The following HYLS1 variants were observed in gnomAD, a reference collection of about 807,000 sequenced individuals.
HYLS1 encodes HYLS1 centriolar and ciliogenesis associated, also known as centriolar and ciliogenesis-associated protein HYLS1.
Under a neutral mutation model 29.4 loss-of-function variants are expected in HYLS1, and 25 were observed. The observed-to-expected ratio is 0.85, with a 90% CI of 0.62 to 1.19. The LOEUF (loss-of-function observed/expected upper bound fraction) is 1.19, where lower values mean the gene tolerates loss of function less well. Ranked by LOEUF, HYLS1 falls within the 50% of genes most tolerant of loss-of-function variation. The pLI, the probability that HYLS1 is intolerant of heterozygous loss-of-function variation, is 0.00. For synonymous variants in HYLS1, 128 were observed against 126.7 expected, an observed-to-expected ratio of 1.01 and a Z score of -0.07; for missense variants, 352 against 365.1, an observed-to-expected ratio of 0.96 and a Z score of 0.29.
chr11:125,885,346 G>C (rs1164149611), upstream of HYLS1, among the ~76,000 whole-genome samples: 1 of 152,102 alleles, frequency 6.6e-6, no homozygotes, highest in Non-Finnish European at 1.5e-5. Flanking sequence ...AGCTACTCAG[G>C]AGACTGAGGC....
At chr11:125,895,197 G>A in intron 2 of HYLS1, 1 of 1,521,086 alleles carries the variant, frequency 6.6e-7, no homozygotes, top group Non-Finnish European at 8.8e-7. Flanking sequence ...ACAGGCATGT[G>A]CCATTTATTT....
chr11:125,886,042 TA>T (rs1447951732), upstream of HYLS1, among the ~76,000 whole-genome samples: 2 of 151,718 alleles, frequency 1.3e-5, no homozygotes, highest in Non-Finnish European at 2.9e-5. Context: ...ATAATAGAAA[TA>T]AAGTGCACAA....
Position 125,900,566 on chromosome 11 carries a change from AAT to A in HYLS1, c.*301_*302del, listed in dbSNP as rs1415648996. The A allele has an allele frequency of 2.5e-6, 1 of 395,694 alleles. No homozygotes were observed. The highest frequency in any genetic ancestry group is 6.2e-5 in the East Asian group (1 of 16,080). 24.5% of individuals were successfully genotyped at this position (395,694 alleles called of 1,614,324 possible). On this transcript the variant is annotated 3_prime_UTR_variant, in exon 3 of 3. Coordinates refer to ENST00000425380, the MANE Select transcript of HYLS1 (RefSeq NM_001134793.2). ...TGTCCTGTAACTTTTTTTACCTATC[AAT>A]ATGAGTTGCTGTGCTTCAGTGTGTG...
At chr11:125,887,061 C>A (rs555980912), upstream of HYLS1, 1 of 152,586 alleles carries the variant, frequency 6.6e-6, no homozygotes, top group Non-Finnish European at 1.5e-5. Flanking sequence ...TGTGGAGACG[C>A]AGCCACGGGT....
intron 2 of HYLS1, 85 bp from the exon 3 acceptor site, chr11:125,899,259 C>G: frequency 1.1e-6 from 1 of 904,060 alleles, no homozygotes; most frequent in East Asian, 2.5e-5. Flanking sequence ...CTCCATTTGA[C>G]TGCTATAAAA....
upstream of HYLS1, among the ~76,000 whole-genome samples, chr11:125,885,810 AG>A (rs984254348): frequency 6.6e-6 from 1 of 152,230 alleles, no homozygotes; most frequent in African/African-American, 2.4e-5. Context: ...TCGCATGAAC[AG>A]GGGTGTTAGA....
At chr11:125,893,629 A>G (rs1944474560) in intron 2 of HYLS1, 5 of 591,126 alleles carry the variant, frequency 8.5e-6, no homozygotes, top group East Asian at 3.0e-5. Flanking sequence ...TATTAAAGCA[A>G]TAACTTCCTT....
At chr11:125,894,937 C>T (rs1472865054) in intron 2 of HYLS1, among the ~76,000 whole-genome samples, 1 of 152,206 alleles carries the variant, frequency 6.6e-6, no homozygotes, top group Non-Finnish European at 1.5e-5. Context: ...TTAAAATACA[C>T]TGCTCCCTCT....
At chr11:125,888,625 C>T (rs1027472765) in intron 1 of HYLS1, among the ~76,000 whole-genome samples, 3 of 151,962 alleles carry the variant, frequency 2.0e-5, no homozygotes, top group Admixed American at 6.6e-5. Flanking sequence ...AAAAATTGGC[C>T]GGGCTTGGTG....
Position 125,900,108 on chromosome 11 carries a change from G to A in HYLS1, c.740G>A (p.Cys247Tyr). The change falls in exon 3 of 3, where the codon TGT becomes TAT. Residue 247 changes from cysteine to tyrosine, a missense_variant. Physicochemically the swap from Cys to Tyr is radical, Grantham distance 194. Coordinates refer to ENST00000425380, the MANE Select transcript of HYLS1 (RefSeq NM_001134793.2). ...LRWGVREQML[C>Y]RAEPQSKPQH... ...TGGGGTGTCCGAGAGCAGATGCTTT[G>A]TCGAGCAGAACCCCAATCCAAACCT... The A allele has an allele frequency of 6.2e-7, 1 of 1,614,182 alleles. No individual in the cohort carries two copies. The highest frequency in any genetic ancestry group is 2.2e-5 in the East Asian group (1 of 44,880).
At chr11:125,889,703 A>G (rs1043880433) in intron 1 of HYLS1, among the ~76,000 whole-genome samples, 7 of 151,160 alleles carry the variant, frequency 4.6e-5, no homozygotes, top group African/African-American at 1.5e-4. Flanking sequence ...GGCCACCGCA[A>G]CTCCAGCCTG....
chr11:125,892,147 C>T (rs1214895956), intron 2 of HYLS1, among the ~76,000 whole-genome samples: 1 of 152,116 alleles, frequency 6.6e-6, no homozygotes, highest in African/African-American at 2.4e-5. Context: ...TCAAGGTTGA[C>T]TAGATTATAC....
chr11:125,895,173 G>C (rs578148756), intron 2 of HYLS1: 1 of 1,439,626 alleles, frequency 6.9e-7, no homozygotes, highest in Non-Finnish European at 9.3e-7. Flanking sequence ...CAAGCGTCCC[G>C]AGTAGCTGGG....
At position 125,899,397 on chromosome 11, in the gene HYLS1, T is replaced by TA; in HGVS notation, c.30dup (p.Trp11MetfsTer3). The TA allele has an allele frequency of 3.7e-6, 6 of 1,614,144 alleles. No individual in the cohort carries two copies. The highest frequency in any genetic ancestry group is 5.1e-6 in the Non-Finnish European group (6 of 1,180,030). On this transcript the variant is annotated frameshift_variant, in exon 3 of 3. Transcript: ENST00000425380. LOFTEE classifies it high-confidence loss of function. Reference sequence around the variant, plus strand: ...GAAGAACTTCTACCTGATGGACAAATATGGGCTAATATGGATCCAGAAGAA... The same window carrying TA: ...GAAGAACTTCTACCTGATGGACAAATAATGGGCTAATATGGATCCAGAAGAA...
chr11:125,892,749 C>T (rs1217103276), intron 2 of HYLS1, among the ~76,000 whole-genome samples: 2 of 152,200 alleles, frequency 1.3e-5, no homozygotes, highest in Non-Finnish European at 2.9e-5. Context: ...TGCCTCCAAT[C>T]TTGCCCTCTT....
Position 125,899,564 on chromosome 11 carries a change from G to GT in HYLS1, c.197dup (p.Gln67AlafsTer10), listed in dbSNP as rs778009727. The GT allele has an allele frequency of 5.0e-6, 8 of 1,614,068 alleles. No individual in the cohort carries two copies. The African/African-American group carries it at 1.1e-4, about 22-fold the overall frequency. On this transcript the variant is annotated frameshift_variant, in exon 3 of 3. Coordinates refer to ENST00000425380, the MANE Select transcript of HYLS1 (RefSeq NM_001134793.2). LOFTEE classifies it high-confidence loss of function. ...CCCAGGGAAGCGACCTGCTCTTCCT[G>GT]TGCAACTACAGTACCCACATGTAGA...
chr11:125,893,675 T>TAAGAGC, intron 2 of HYLS1: 3 of 795,228 alleles, frequency 3.8e-6, no homozygotes, highest in Admixed American at 3.0e-5. Context: ...TTTTTTTCTT[T>TAAGAGC]TAAGAGCTGA....
intron 2 of HYLS1, among the ~76,000 whole-genome samples, chr11:125,896,921 A>G (rs1477010379): frequency 1.3e-5 from 2 of 152,194 alleles, no homozygotes; most frequent in Admixed American, 1.3e-4. Context: ...CACTTTAAGC[A>G]ATTTTGATGG....
chr11:125,898,306 T>C (rs1002801569), intron 2 of HYLS1, among the ~76,000 whole-genome samples: 2 of 152,152 alleles, frequency 1.3e-5, no homozygotes, highest in Non-Finnish European at 2.9e-5. Context: ...GAAACTAGCA[T>C]TGGGTATGTG....
Sources: gnomAD v4.1 joint callset for allele counts (sites outside exome capture counted in the v4.1 genomes callset) on GRCh38, gnomAD v4.1.1 for gene constraint, MANE v1.5 for transcripts, NCBI Gene and HGNC (gene_info 2026-07-23, HGNC 2026-07-21) for gene names.